The following DLG2 variants were observed in gnomAD, a reference collection of about 807,000 sequenced individuals.
DLG2 encodes the protein discs large MAGUK scaffold protein 2.
In DLG2, 45 loss-of-function variants were observed where a neutral mutation model predicts 132.5. The ratio of observed to expected loss-of-function variants is 0.34; its 90% confidence interval spans 0.27 to 0.44. DLG2 has a LOEUF of 0.44. DLG2 is among the 20% of genes least tolerant of loss of function. DLG2 has a pLI of 1.00. For synonymous variants in DLG2, 424 were observed against 419.6 expected (o/e 1.01, Z -0.13); for missense variants, 1,045 against 1,196.9 (o/e 0.87, Z 1.87).
intron 6 of DLG2, among the ~76,000 whole-genome samples, chr11:84,693,782 C>A (rs1307417186): frequency 6.6e-6 from 1 of 151,590 alleles, no homozygotes; most frequent in East Asian, 1.9e-4. Flanking sequence ...CAATGAGTCA[C>A]ACAGCTTCAG....
chr11:84,659,742 C>T (rs2099692438), intron 6 of DLG2, among the ~76,000 whole-genome samples: 1 of 152,068 alleles, frequency 6.6e-6, no homozygotes, highest in Admixed American at 6.6e-5. Flanking sequence ...ATAAGACCAC[C>T]CTCCTTTCTG....
intron 19 of DLG2, among the ~76,000 whole-genome samples, chr11:83,558,116 T>A (rs1341491803): frequency 1.3e-5 from 2 of 152,200 alleles, no homozygotes; most frequent in African/African-American, 4.8e-5. Context: ...ATATAGTTCA[T>A]AATTTCTCCA....
chr11:83,850,504 G>A (rs778126527), intron 16 of DLG2, among the ~76,000 whole-genome samples: 72 of 152,040 alleles, frequency 4.7e-4, no homozygotes, highest in Non-Finnish European at 8.8e-4. Context: ...TAGAGAGATG[G>A]GGAGTGGGAT....
At chr11:85,324,155 T>C (rs2081276894) in intron 3 of DLG2, among the ~76,000 whole-genome samples, 1 of 152,210 alleles carries the variant, frequency 6.6e-6, no homozygotes, top group Admixed American at 6.5e-5. Context: ...TCACCAGACA[T>C]GGCTTCTCTG....
chr11:84,580,865 T>C (rs546527132), intron 6 of DLG2, among the ~76,000 whole-genome samples: 1 of 152,240 alleles, frequency 6.6e-6, no homozygotes, highest in South Asian at 2.1e-4. Flanking sequence ...GCCTGGAAAA[T>C]ACACACGATA....
chr11:84,831,680 T>C (rs1298946737), intron 6 of DLG2, among the ~76,000 whole-genome samples: 1 of 151,700 alleles, frequency 6.6e-6, no homozygotes, highest in Non-Finnish European at 1.5e-5. Context: ...AATAAACATC[T>C]ACACTCTGCA....
chr11:83,751,637 G>A (rs987828477), intron 18 of DLG2, among the ~76,000 whole-genome samples: 2 of 152,170 alleles, frequency 1.3e-5, no homozygotes, highest in Non-Finnish European at 2.9e-5. Flanking sequence ...TGGATCAAAT[G>A]TGAAGATGAG....
chr11:83,801,761 C>T (rs1354439809), intron 17 of DLG2, among the ~76,000 whole-genome samples: 1 of 152,120 alleles, frequency 6.6e-6, no homozygotes, highest in Non-Finnish European at 1.5e-5. Flanking sequence ...TTTATTATCT[C>T]ACCCACCCCG....
intron 18 of DLG2, among the ~76,000 whole-genome samples, chr11:83,724,402 G>A (rs749608579): frequency 1.3e-4 from 19 of 151,136 alleles, no homozygotes; most frequent in Middle Eastern, 3.4e-3. Context: ...AGGTATTGCT[G>A]GAACCAATTT....
At chr11:84,741,160 G>A (rs1214421633) in intron 6 of DLG2, among the ~76,000 whole-genome samples, 2 of 144,980 alleles carry the variant, frequency 1.4e-5, no homozygotes, top group Non-Finnish European at 3.0e-5. Flanking sequence ...TCCGCCTTCC[G>A]GGTTCACGCC....
At chr11:83,502,843 TTTTCTGTTTC>T (rs1230835723) in intron 21 of DLG2, among the ~76,000 whole-genome samples, 2 of 152,162 alleles carry the variant, frequency 1.3e-5, no homozygotes, top group Non-Finnish European at 2.9e-5. Context: ...TCCCCATTCT[TTTTCTGTTTC>T]CATTGCTGTC....
At chr11:84,714,599 T>TG (rs1565749771) in intron 6 of DLG2, among the ~76,000 whole-genome samples, 5 of 83,550 alleles carry the variant, frequency 6.0e-5, no homozygotes, top group African/African-American at 3.2e-4. Flanking sequence ...TTCTCTTTCT[T>TG]TCTCTTTCTC....
At chr11:84,936,176 T>C (rs1477323622) in intron 6 of DLG2, among the ~76,000 whole-genome samples, 2 of 152,214 alleles carry the variant, frequency 1.3e-5, no homozygotes, top group Non-Finnish European at 2.9e-5. Context: ...TAAGTGATCC[T>C]AGCTTTGGCA....
At chr11:84,657,656 G>T (rs972274745) in intron 6 of DLG2, among the ~76,000 whole-genome samples, 6 of 152,124 alleles carry the variant, frequency 3.9e-5, no homozygotes, top group Non-Finnish European at 8.8e-5. Context: ...GCTCCTATGA[G>T]AATCTAATGC....
In DLG2 at chr11:83,567,007, T is replaced by G. The variant is rs578155980; in HGVS notation, c.1941-25149A>C. Among the ~76,000 whole-genome samples the G allele has an allele frequency of 2.6e-5, 4 of 152,308 alleles. No individual in the cohort carries two copies. In the South Asian group the frequency reaches 8.3e-4, roughly 32 times the overall value. On this transcript the variant is annotated intron_variant, in intron 19 of 27. Transcript: ENST00000376104. ...TTGGGATGAGCTATTTATCCCATCT[T>G]GACTCCGTCTCATGGGGTAATGATT...
chr11:84,125,684 C>T (rs530092718), intron 9 of DLG2, among the ~76,000 whole-genome samples: 9 of 152,276 alleles, frequency 5.9e-5, no homozygotes, highest in African/African-American at 1.7e-4. Flanking sequence ...GCCATGCAGG[C>T]AGCAAGGACT....
chr11:84,569,907 A>C lies in DLG2; in HGVS notation c.358-35176T>G, dbSNP rs75996599. ...AGATAAATGAACATCCACTTTACTTAAGCTACCTCTATTTTGATTTCCTGA... is the reference window on the plus strand; with the variant it reads ...AGATAAATGAACATCCACTTTACTTCAGCTACCTCTATTTTGATTTCCTGA... On this transcript the variant is annotated intron_variant, in intron 6 of 27. Coordinates refer to ENST00000376104, the MANE Select transcript of DLG2 (RefSeq NM_001142699.3). Among the ~76,000 whole-genome samples, 1,091 of 152,258 alleles carry C rather than the reference A, an allele frequency of 7.2e-3. 12 individuals carry two copies. Among genetic ancestry groups the C allele is most frequent in the African/African-American group, 0.024 (1,000 of 41,538 alleles).
At chr11:85,237,116 T>C (rs2075627977) in intron 4 of DLG2, among the ~76,000 whole-genome samples, 1 of 152,042 alleles carries the variant, frequency 6.6e-6, no homozygotes, top group Non-Finnish European at 1.5e-5. Flanking sequence ...AATACGCCAC[T>C]GATTAAGCGA....
intron 6 of DLG2, among the ~76,000 whole-genome samples, chr11:84,705,074 T>C (rs1003189651): frequency 4.0e-5 from 6 of 151,686 alleles, no homozygotes; most frequent in Non-Finnish European, 8.9e-5. Context: ...CAACAGTCTT[T>C]AGCAGTTCTG....
Sources: gnomAD v4.1 joint callset for allele counts (sites outside exome capture counted in the v4.1 genomes callset) on GRCh38, gnomAD v4.1.1 for gene constraint, MANE v1.5 for transcripts, NCBI Gene and HGNC (gene_info 2026-07-23, HGNC 2026-07-21) for gene names.